Variants in CPNE8 observed in about 807,000 individuals in gnomAD.
The protein encoded by CPNE8 is copine 8.
CPNE8 carries 45 observed loss-of-function variants against 81.5 expected under a neutral mutation model. The ratio of observed to expected loss-of-function variants is 0.55; its 90% confidence interval spans 0.44 to 0.71. The LOEUF (loss-of-function observed/expected upper bound fraction) is 0.71. CPNE8 is among the 30% of genes least tolerant of loss of function. The pLI is 0.00. For missense variants in CPNE8, 594 were observed against 672.1 expected, an observed-to-expected ratio of 0.88 and a Z score of 1.28; for synonymous variants, 252 against 226.3, an observed-to-expected ratio of 1.11 and a Z score of -1.02.
At chr12:38,844,790 C>A (rs1943527350) in intron 4 of CPNE8, among the ~76,000 whole-genome samples, 1 of 151,908 alleles carries the variant, frequency 6.6e-6, no homozygotes. Flanking sequence ...GTTATAATAT[C>A]CAGTTTAGAT....
chr12:38,684,750 G>A (rs933423292), intron 16 of CPNE8, among the ~76,000 whole-genome samples: 6 of 152,044 alleles, frequency 3.9e-5, no homozygotes, highest in Non-Finnish European at 7.4e-5. Flanking sequence ...TTTTTTTCAA[G>A]TTCTGGCTAC....
chr12:38,796,735 G>C (rs1942485949), intron 6 of CPNE8, among the ~76,000 whole-genome samples: 1 of 152,134 alleles, frequency 6.6e-6, no homozygotes, highest in Non-Finnish European at 1.5e-5. Flanking sequence ...AGCCAAAGCA[G>C]GGTGAGGAAT....
intron 13 of CPNE8, among the ~76,000 whole-genome samples, chr12:38,703,661 C>T (rs1439783194): frequency 6.6e-6 from 1 of 152,140 alleles, no homozygotes; most frequent in Non-Finnish European, 1.5e-5. Context: ...GTCAAACTAT[C>T]TCTCTTCACA....
intron 7 of CPNE8, among the ~76,000 whole-genome samples, chr12:38,771,014 G>A (rs1445535299): frequency 6.6e-6 from 1 of 152,112 alleles, no homozygotes; most frequent in East Asian, 1.9e-4. Flanking sequence ...TTTGGGGGTT[G>A]TGGTGTTGTG....
intron 10 of CPNE8, among the ~76,000 whole-genome samples, chr12:38,755,903 A>G (rs933050230): frequency 1.3e-5 from 2 of 151,024 alleles, no homozygotes; most frequent in African/African-American, 4.8e-5. Flanking sequence ...AGCCGGGCGT[A>G]GTGGCGGGCG....
At chr12:38,900,464 T>C (rs542476040) in intron 1 of CPNE8, among the ~76,000 whole-genome samples, 1 of 152,290 alleles carries the variant, frequency 6.6e-6, no homozygotes, top group South Asian at 2.1e-4. Context: ...CAGAATATAG[T>C]ACATGGACAT....
intron 3 of CPNE8, among the ~76,000 whole-genome samples, chr12:38,865,947 C>T (rs879816809): frequency 3.9e-5 from 6 of 152,190 alleles, no homozygotes; most frequent in Admixed American, 3.9e-4. Flanking sequence ...CCCACAGTTT[C>T]TGCCTCTCTA....
chr12:38,779,795 T>C (rs981813898), intron 6 of CPNE8, among the ~76,000 whole-genome samples: 1 of 152,008 alleles, frequency 6.6e-6, no homozygotes, highest in East Asian at 1.9e-4. Context: ...AAACAACAGG[T>C]TGCAGAATCA....
chr12:38,760,792 A>C, intron 10 of CPNE8, 55 bp downstream of exon 10: 2 of 1,325,166 alleles, frequency 1.5e-6, no homozygotes, highest in South Asian at 2.4e-5. Context: ...ATTTCAATGT[A>C]TGTGCCTCTT....
At chr12:38,796,813 G>A (rs933272840) in intron 6 of CPNE8, among the ~76,000 whole-genome samples, 10 of 152,094 alleles carry the variant, frequency 6.6e-5, no homozygotes, top group Admixed American at 2.0e-4. Context: ...GGTGACAGGC[G>A]GCACCTGGAA....
intron 1 of CPNE8, among the ~76,000 whole-genome samples, chr12:38,882,425 C>G (rs1944174426): frequency 6.6e-6 from 1 of 152,078 alleles, no homozygotes; most frequent in Non-Finnish European, 1.5e-5. Context: ...TGATTTCAGC[C>G]CGGCAATACT....
intron 6 of CPNE8, among the ~76,000 whole-genome samples, chr12:38,783,488 T>C (rs1942099898): frequency 1.3e-5 from 2 of 152,168 alleles, no homozygotes; most frequent in Middle Eastern, 3.4e-3. Flanking sequence ...GCAGCAATGG[T>C]GAGGTATTGA....
chr12:38,674,239 G>A (rs1203578065), intron 18 of CPNE8, among the ~76,000 whole-genome samples: 3 of 152,124 alleles, frequency 2.0e-5, no homozygotes, highest in African/African-American at 7.2e-5. Context: ...ATGCCAGGAA[G>A]GGTCAGTGGC....
chr12:38,720,587 C>A (rs1320559415), intron 13 of CPNE8: 1 of 119,726 alleles, frequency 8.4e-6, no homozygotes, highest in Non-Finnish European at 1.7e-5. Context: ...TAAAATATAA[C>A]CAGATATATC....
chr12:38,816,721 C>T (rs1943030364), intron 6 of CPNE8, among the ~76,000 whole-genome samples: 1 of 152,072 alleles, frequency 6.6e-6, no homozygotes, highest in Non-Finnish European at 1.5e-5. Flanking sequence ...AAAATATATA[C>T]TGGAATGTAG....
At chr12:38,883,500 T>G (rs1230432602) in intron 1 of CPNE8, among the ~76,000 whole-genome samples, 1 of 152,204 alleles carries the variant, frequency 6.6e-6, no homozygotes, top group Admixed American at 6.5e-5. Context: ...CTTTTTAAAT[T>G]AATAAGATAA....
At chr12:38,776,496 G>T (rs1941940215) in intron 6 of CPNE8, among the ~76,000 whole-genome samples, 195 bp from the exon 7 acceptor site, 1 of 151,670 alleles carries the variant, frequency 6.6e-6, no homozygotes, top group Non-Finnish European at 1.5e-5. Flanking sequence ...TTTTAGCAGA[G>T]ATGGGGTTTC....
At chr12:38,881,595 T>C (rs1944159151) in intron 1 of CPNE8, among the ~76,000 whole-genome samples, 1 of 152,220 alleles carries the variant, frequency 6.6e-6, no homozygotes, top group Non-Finnish European at 1.5e-5. Context: ...GTTTCAACCT[T>C]TGCATGGGTG....
intron 1 of CPNE8, among the ~76,000 whole-genome samples, chr12:38,901,114 G>A (rs757731615): frequency 6.6e-6 from 1 of 152,108 alleles, no homozygotes; most frequent in African/African-American, 2.4e-5. Flanking sequence ...TCAGCTACTC[G>A]AGAGGCTGAG....
Sources: gnomAD v4.1 joint callset for allele counts (sites outside exome capture counted in the v4.1 genomes callset) on GRCh38, gnomAD v4.1.1 for gene constraint, MANE v1.5 for transcripts, NCBI Gene and HGNC (gene_info 2026-07-23, HGNC 2026-07-21) for gene names.